AGAP1: variants seen among roughly 807,000 people sequenced by gnomAD.
AGAP1 encodes the protein arf-GAP with GTPase, ANK repeat and PH domain-containing protein 1.
A neutral mutation model predicts 105.3 loss-of-function variants in AGAP1; 29 were observed. The ratio of observed to expected loss-of-function variants is 0.28; its 90% CI spans 0.21 to 0.38. AGAP1 has a LOEUF of 0.38. Ranked by LOEUF, AGAP1 falls within the 10% of genes least tolerant of loss-of-function variation. The probability of loss-of-function intolerance (pLI) is 1.00; values close to 1 mark genes in which losing one functional copy is unlikely to be tolerated. For synonymous variants in AGAP1, 509 were observed against 485.9 expected (o/e 1.05, Z -0.63); for missense variants, 998 against 1,165.1 (o/e 0.86, Z 2.09).
chr2:235,831,264 AC>A (rs1416227264), intron 9 of AGAP1, among the ~76,000 whole-genome samples: 1 of 151,378 alleles, frequency 6.6e-6, no homozygotes, highest in East Asian at 1.9e-4. Context: ...AAGGACACCC[AC>A]AGCCTCCGCC....
chr2:235,946,397 T>C (rs2053504149), intron 12 of AGAP1, among the ~76,000 whole-genome samples: 1 of 151,234 alleles, frequency 6.6e-6, no homozygotes, highest in African/African-American at 2.4e-5. Context: ...GCAATACTCC[T>C]GACCTCAGGT....
chr2:236,049,346 T>C (rs2057824850), intron 16 of AGAP1, 65 bp downstream of exon 16: 36 of 1,467,872 alleles, frequency 2.5e-5, no homozygotes, highest in Non-Finnish European at 3.3e-5. Context: ...CTGGAAGTGA[T>C]CATAATGACA....
intron 10 of AGAP1, among the ~76,000 whole-genome samples, chr2:235,896,437 G>A (rs924248243): frequency 6.6e-6 from 1 of 152,220 alleles, no homozygotes; most frequent in Non-Finnish European, 1.5e-5. Flanking sequence ...GGTTTTAAAT[G>A]TAAAAACTGT....
At chr2:235,857,967 A>T (rs778343062) in intron 9 of AGAP1, among the ~76,000 whole-genome samples, 2 of 151,730 alleles carry the variant, frequency 1.3e-5, no homozygotes, top group Non-Finnish European at 2.9e-5. Context: ...ATCTTGGGGG[A>T]TTTTCATTTT....
At chr2:235,898,401 TAA>T (rs879776596) in intron 10 of AGAP1, among the ~76,000 whole-genome samples, 3 of 141,504 alleles carry the variant, frequency 2.1e-5, no homozygotes, top group Non-Finnish European at 1.5e-5. Flanking sequence ...CTCCCCCATT[TAA>T]AAAAAAAAAA....
At position 235,582,321 on chromosome 2, in the gene AGAP1, T is replaced by C. The variant is rs1428685852; in HGVS notation, c.163+87472T>C. Among the ~76,000 whole-genome samples, 1 of 152,202 alleles carries C rather than the reference T, an allele frequency of 6.6e-6. No individual in the cohort carries two copies. Among genetic ancestry groups the C allele is most frequent in the Non-Finnish European group, 1.5e-5 (1 of 68,034 alleles). On this transcript the variant is annotated intron_variant, in intron 1 of 17. Transcript: ENST00000304032. The surrounding 1 kb of genome is among the most constrained non-coding windows in gnomAD (Gnocchi z 4.7). Reference sequence around the variant, plus strand: ...GCCGAGGTGGTGTGGCTCTTTGTGCTGGCATTTAGGGTGTCACTAAAGCCC... The same window carrying C: ...GCCGAGGTGGTGTGGCTCTTTGTGCCGGCATTTAGGGTGTCACTAAAGCCC...
rs1946163593 is a variant in AGAP1, at chr2:235,612,552, C to G, written c.164-96627C>G. Among the ~76,000 whole-genome samples the G allele has an allele frequency of 6.6e-6, 1 of 152,186 alleles. No individual in the cohort carries two copies. Among genetic ancestry groups the G allele is most frequent in the African/African-American group, 2.4e-5 (1 of 41,430 alleles). ...CTTAATAGCTGATTGTATTCAGGTG[C>G]TAAGGGAAAAGAACGTGACTGTGTG... On this transcript the variant is annotated intron_variant, in intron 1 of 17. Coordinates refer to ENST00000304032, the MANE Select transcript of AGAP1 (RefSeq NM_001037131.3). The surrounding 1 kb of genome is among the most constrained non-coding windows in gnomAD (Gnocchi z 4.3).
In AGAP1 at chr2:235,965,962, G is replaced by T. The variant is rs932987857; in HGVS notation, c.1484-2500G>T. On this transcript the variant is annotated intron_variant, in intron 12 of 17. Transcript: ENST00000304032. The surrounding 1 kb of genome is among the most constrained non-coding windows in gnomAD (Gnocchi z 5.8). The stretch of plus-strand genomic sequence containing the variant: ...GGGAGCCCATTCCTCTAGGGATGGA[G>T]AGAGGGGAGTCCGTTCCTCTGGGGA... Among the ~76,000 whole-genome samples, 3 of 151,498 alleles carry T rather than the reference G, an allele frequency of 2.0e-5. No homozygotes were observed. Among genetic ancestry groups the T allele is most frequent in the African/African-American group, 7.3e-5 (3 of 41,198 alleles).
chr2:235,501,857 A>G (rs1336213527), intron 1 of AGAP1, among the ~76,000 whole-genome samples: 2 of 152,076 alleles, frequency 1.3e-5, no homozygotes, highest in African/African-American at 4.8e-5. Context: ...AGGCTTAGCT[A>G]TTTTTAAAAT....
Position 235,544,485 on chromosome 2 carries a change from G to C in AGAP1, c.163+49636G>C, listed in dbSNP as rs1038109916. On this transcript the variant is annotated intron_variant, in intron 1 of 17. Transcript: ENST00000304032. Reference sequence around the variant, plus strand: ...GAGCATCTGAACCTTCCCGTGGTCCGTGTGGCTGGAAGGAGGCTTCCATCG... The same window carrying C: ...GAGCATCTGAACCTTCCCGTGGTCCCTGTGGCTGGAAGGAGGCTTCCATCG... 7.0e-4 allele frequency among the ~76,000 whole-genome samples: 106 copies of C among 152,328 alleles called. 1 individual carries two copies. The highest frequency in any genetic ancestry group is 6.7e-3 in the Admixed American group (103 of 15,294).
intron 1 of AGAP1, among the ~76,000 whole-genome samples, chr2:235,619,517 G>A (rs1053641204): frequency 2.7e-5 from 4 of 150,652 alleles, no homozygotes; most frequent in Non-Finnish European, 3.0e-5. Flanking sequence ...GGGCTGAAGT[G>A]GGGGAGCTGG....
chr2:235,750,231 A>C lies in AGAP1; in HGVS notation c.539-123A>C. On this transcript the variant is annotated intron_variant, in intron 5 of 17. Coordinates refer to ENST00000304032, the MANE Select transcript of AGAP1 (RefSeq NM_001037131.3). The surrounding 1 kb of genome is among the most constrained non-coding windows in gnomAD (Gnocchi z 5.3). ...GAGGCAAACGATGCTCTACAATTCC[A>C]GATTCATAAACTAATTACATTTCTG... is the stretch of plus-strand genomic sequence containing the variant. 7.2e-7 allele frequency: 1 copy of C among 1,383,070 alleles called. No homozygotes were observed. 85.7% of individuals were successfully genotyped at this position (1,383,070 alleles called of 1,614,324 possible).
chr2:235,670,883 C>T (rs1948373256), intron 1 of AGAP1: 2 of 1,359,866 alleles, frequency 1.5e-6, no homozygotes, highest in Non-Finnish European at 9.4e-7. Flanking sequence ...GGCCTCGGAG[C>T]ACCGGCTGCT....
rs772881571 is a variant in AGAP1, at chr2:235,704,251, G to A, written c.164-4928G>A. On this transcript the variant is annotated intron_variant, in intron 1 of 17. Transcript: ENST00000304032. ...GTTTTCACATTTCTCAGAAATTCCCGCTCTTGGAGTTTTACACTTGTAACA... is the reference window on the plus strand; with the variant it reads ...GTTTTCACATTTCTCAGAAATTCCCACTCTTGGAGTTTTACACTTGTAACA... Among the ~76,000 whole-genome samples, 7 of 152,208 alleles carry A rather than the reference G, an allele frequency of 4.6e-5. No individual in the cohort carries two copies. The East Asian group carries it at 5.8e-4, about 13-fold the overall frequency.
chr2:236,102,315 G>A (rs2059373369), intron 16 of AGAP1, among the ~76,000 whole-genome samples: 1 of 132,674 alleles, frequency 7.5e-6, no homozygotes, highest in South Asian at 2.8e-4. Flanking sequence ...CACTCAGGAG[G>A]CAGAGGCAAG....
In AGAP1 at chr2:235,621,035, T is replaced by C. The variant is rs138445993; in HGVS notation, c.164-88144T>C. ...AGATCTAGTTAATTTTTTTCCTTTT[T>C]TTGGAGACCCAGTCTCGCTCTTGTC... On this transcript the variant is annotated intron_variant, in intron 1 of 17. Coordinates refer to ENST00000304032, the MANE Select transcript of AGAP1 (RefSeq NM_001037131.3). This position sits in a 1 kb window ranked among gnomAD's most constrained non-coding sequence, Gnocchi z 4.1. 1.5e-3 allele frequency among the ~76,000 whole-genome samples: 232 copies of C among 152,204 alleles called. 2 individuals are homozygous for C. Among genetic ancestry groups the C allele is most frequent in the African/African-American group, 5.1e-3 (211 of 41,530 alleles).
rs529085321 is a variant in AGAP1, at chr2:235,619,038, G to T, written c.164-90141G>T. Among the ~76,000 whole-genome samples, 3 of 152,272 alleles carry T rather than the reference G, an allele frequency of 2.0e-5. No homozygotes were observed. The East Asian group carries it at 5.8e-4, about 29-fold the overall frequency. On this transcript the variant is annotated intron_variant, in intron 1 of 17. Coordinates refer to ENST00000304032, the MANE Select transcript of AGAP1 (RefSeq NM_001037131.3). The stretch of plus-strand genomic sequence containing the variant: ...GTGATGGAGCCATGAGCCAAGGAAT[G>T]GGGGAGAGCGCTAGGAGCCGGAAAA...
rs1956739531 is a variant in AGAP1, at chr2:235,787,780, C to G, written c.674-9979C>G. Among the ~76,000 whole-genome samples the G allele has an allele frequency of 6.6e-6, 1 of 152,172 alleles. No individual in the cohort carries two copies. The highest frequency in any genetic ancestry group is 2.1e-4 in the South Asian group (1 of 4,824). ...CTTGCTTGGTTTCTGTGAGGACTTG[C>G]TTAATTCTGCATTGACCAAGAGCAA... On this transcript the variant is annotated intron_variant, in intron 6 of 17. Transcript: ENST00000304032. This position sits in a 1 kb window ranked among gnomAD's most constrained non-coding sequence, Gnocchi z 4.4.
rs181501797 is a variant in AGAP1 at position 235,720,591 on chromosome 2, G to T, written c.310+2947G>T. ...CCTTTCCTCTTACAACTGCTAGAGC[G>T]ATCAACTGGGCAGCTACTTTGAATG... On this transcript the variant is annotated intron_variant, in intron 3 of 17. Transcript: ENST00000304032. This position sits in a 1 kb window ranked among gnomAD's most constrained non-coding sequence, Gnocchi z 5.0. The T allele has an allele frequency of 3.4e-6, 3 of 870,812 alleles. No individual in the cohort carries two copies. Among genetic ancestry groups the T allele is most frequent in the East Asian group, 1.2e-4 (1 of 8,242 alleles). 53.9% of individuals were successfully genotyped at this position (870,812 alleles called of 1,614,324 possible).
Sources: gnomAD v4.1 joint callset for allele counts (sites outside exome capture counted in the v4.1 genomes callset) on GRCh38, gnomAD v4.1.1 for gene constraint, Gnocchi (gnomAD v3.1) non-coding constraint, MANE v1.5 for transcripts, NCBI Gene and HGNC (gene_info 2026-07-23, HGNC 2026-07-21) for gene names.